The following GAREM1 variants were observed in gnomAD, a reference collection of about 807,000 sequenced individuals.
GAREM1 encodes GRB2 associated regulator of MAPK1 subtype 1.
In GAREM1, 26 loss-of-function variants were observed where a neutral mutation model predicts 71.3. The ratio of observed to expected loss-of-function variants is 0.36; its 90% CI spans 0.27 to 0.51. GAREM1 has a LOEUF of 0.51. GAREM1 is among the 20% of genes least tolerant of loss of function. The pLI is 0.95. For synonymous variants in GAREM1, 440 were observed against 433.2 expected (o/e 1.02, Z -0.20); for missense variants, 1,026 against 1,103.1 (o/e 0.93, Z 0.99).
At position 32,465,390 on chromosome 18, in the gene GAREM1, A is replaced by G. The variant is rs377190929; in HGVS notation, c.121+4918T>C. Among the ~76,000 whole-genome samples the G allele has an allele frequency of 2.6e-5, 4 of 152,336 alleles. No homozygotes were observed. In the East Asian group the frequency reaches 5.8e-4, roughly 22 times the overall value. On this transcript the variant is annotated intron_variant, in intron 1 of 5. Coordinates refer to ENST00000269209, the MANE Select transcript of GAREM1 (RefSeq NM_001242409.2). Reference sequence around the variant, plus strand: ...GAGCCTCCCTGGGGCCTAAGTGTCCATGTTTTTGCTCCTAGAGGCCAGTAA... The same window carrying G: ...GAGCCTCCCTGGGGCCTAAGTGTCCGTGTTTTTGCTCCTAGAGGCCAGTAA...
intron 1 of GAREM1, among the ~76,000 whole-genome samples, chr18:32,402,967 A>C (rs1289472350): frequency 2.0e-5 from 3 of 151,900 alleles, no homozygotes; most frequent in Non-Finnish European, 4.4e-5. Context: ...GCCCAGGTTG[A>C]AGTACAGTGG....
chr18:32,281,301 T>C (rs1043952266), intron 4 of GAREM1, among the ~76,000 whole-genome samples: 6 of 128,020 alleles, frequency 4.7e-5, no homozygotes, highest in African/African-American at 8.1e-5. Context: ...GACTTCTCTA[T>C]AGTTAAATCA....
At chr18:32,299,155 G>A (rs897130223) in intron 3 of GAREM1, among the ~76,000 whole-genome samples, 1 of 151,852 alleles carries the variant, frequency 6.6e-6, no homozygotes, top group Non-Finnish European at 1.5e-5. Context: ...AATGGATCTC[G>A]AAAATAAATG....
chr18:32,313,965 T>C (rs1448224408), intron 2 of GAREM1, among the ~76,000 whole-genome samples: 1 of 151,886 alleles, frequency 6.6e-6, no homozygotes, highest in Non-Finnish European at 1.5e-5. Context: ...ATAAGGACAA[T>C]ACAGAGGATG....
intron 1 of GAREM1, chr18:32,412,583 A>G: frequency 6.5e-7 from 1 of 1,544,894 alleles, no homozygotes; most frequent in East Asian, 2.2e-5. Flanking sequence ...AGTTTCCAGA[A>G]CCACTTCGAC....
chr18:32,278,627 GT>G (rs2041573677), intron 4 of GAREM1, among the ~76,000 whole-genome samples: 1 of 152,080 alleles, frequency 6.6e-6, no homozygotes, highest in African/African-American at 2.4e-5. Context: ...CCTCTGCCCT[GT>G]ATTTTACATT....
chr18:32,287,386 T>C lies in GAREM1; in HGVS notation c.1211A>G (p.His404Arg), dbSNP rs1339942161. ...ATCTCCCCCCAGGTCCCTGCAACCA[T>C]GAAGGTTCACCTCACTGTTGCCATG... ...NLHGNSEVNL[H>R]GCRDLGGDWA... is the part of the protein sequence containing the mutation. The change falls in exon 4 of 6, where the codon CAT (histidine) becomes CGT (arginine). Residue 404 changes from histidine (H) to arginine (R), a missense_variant. Physicochemically the swap from His to Arg is conservative, Grantham distance 29. Transcript: ENST00000269209. The surrounding 1 kb of genome is among the most constrained non-coding windows in gnomAD (Gnocchi z 5.9). 8 of 1,614,102 alleles carry C rather than the reference T, an allele frequency of 5.0e-6. 1 individual carries two copies. The highest frequency in any genetic ancestry group is 4.4e-5 in the South Asian group (4 of 91,092).
chr18:32,462,347 T>C (rs974080763), intron 1 of GAREM1, among the ~76,000 whole-genome samples: 7 of 152,246 alleles, frequency 4.6e-5, no homozygotes. Context: ...GATTTTGATT[T>C]GCCATTCCTG....
intron 1 of GAREM1, among the ~76,000 whole-genome samples, chr18:32,465,497 G>C (rs1012021263): frequency 2.0e-5 from 3 of 152,132 alleles, no homozygotes; most frequent in Admixed American, 2.0e-4. Context: ...CTTAGAATCT[G>C]ATCTGATTCC....
chr18:32,443,211 A>C (rs2048756254), intron 1 of GAREM1, among the ~76,000 whole-genome samples: 2 of 152,206 alleles, frequency 1.3e-5, no homozygotes, highest in Admixed American at 6.5e-5. Flanking sequence ...GCTAGCAGTA[A>C]ATCTTTGTGA....
intron 2 of GAREM1, among the ~76,000 whole-genome samples, chr18:32,344,631 AAATT>A (rs1335970150): frequency 6.6e-6 from 1 of 152,224 alleles, no homozygotes; most frequent in Non-Finnish European, 1.5e-5. Context: ...ATGGGTAAAA[AAATT>A]AACTAAAGAT....
chr18:32,303,060 T>C (rs1331995326), intron 3 of GAREM1, among the ~76,000 whole-genome samples: 3 of 152,210 alleles, frequency 2.0e-5, no homozygotes, highest in Non-Finnish European at 4.4e-5. Context: ...AGCGACTGTA[T>C]GCCACATCTG....
intron 1 of GAREM1, among the ~76,000 whole-genome samples, chr18:32,442,798 CA>C (rs1024465603): frequency 1.2e-4 from 19 of 152,088 alleles, no homozygotes; most frequent in African/African-American, 4.6e-4. Flanking sequence ...CAAATGTTCT[CA>C]GAAAATGAAG....
chr18:32,432,119 A>C (rs2048630271), intron 1 of GAREM1, among the ~76,000 whole-genome samples: 1 of 152,162 alleles, frequency 6.6e-6, no homozygotes, highest in Non-Finnish European at 1.5e-5. Flanking sequence ...ATCAGGAATG[A>C]AGGAAGAATA....
chr18:32,455,065 A>G (rs2048874282), intron 1 of GAREM1, among the ~76,000 whole-genome samples: 1 of 152,224 alleles, frequency 6.6e-6, no homozygotes, highest in Admixed American at 6.5e-5. Context: ...CATGGAATCC[A>G]GGATCGAGGT....
intron 1 of GAREM1, among the ~76,000 whole-genome samples, chr18:32,452,716 T>C (rs1013952321): frequency 6.6e-6 from 1 of 152,166 alleles, no homozygotes; most frequent in East Asian, 1.9e-4. Context: ...AGCAGGCACA[T>C]GCTCCACAGC....
At chr18:32,450,003 A>G (rs2048820032) in intron 1 of GAREM1, among the ~76,000 whole-genome samples, 1 of 152,194 alleles carries the variant, frequency 6.6e-6, no homozygotes, top group South Asian at 2.1e-4. Context: ...AAGCCTCCTT[A>G]TGTAAGAACA....
At chr18:32,281,173 G>A (rs2046947482) in intron 4 of GAREM1, among the ~76,000 whole-genome samples, 1 of 152,230 alleles carries the variant, frequency 6.6e-6, no homozygotes, top group Non-Finnish European at 1.5e-5. Flanking sequence ...AAGCTACAAA[G>A]TGGTAGCATG....
chr18:32,331,456 T>C (rs1461377323), intron 2 of GAREM1: 2 of 152,228 alleles, frequency 1.3e-5, no homozygotes, highest in Non-Finnish European at 2.9e-5. Context: ...GGCAAAATAG[T>C]GGACTTACTA....
Sources: gnomAD v4.1 joint callset for allele counts (sites outside exome capture counted in the v4.1 genomes callset) on GRCh38, gnomAD v4.1.1 for gene constraint, Gnocchi (gnomAD v3.1) non-coding constraint, MANE v1.5 for transcripts, NCBI Gene and HGNC (gene_info 2026-07-23, HGNC 2026-07-21) for gene names.